Variants in RIT2 observed in about 807,000 individuals in gnomAD.
The protein encoded by RIT2 is Ras like without CAAX 2.
A neutral mutation model predicts 23.7 loss-of-function variants in RIT2; 24 were observed. That is an observed-to-expected ratio of 1.01 (90% CI 0.73 to 1.43). The LOEUF is 1.43. RIT2 is among the 40% of genes most tolerant of loss of function. The probability of loss-of-function intolerance (pLI) is 0.00; values close to 1 mark genes in which losing one functional copy is unlikely to be tolerated. For synonymous variants in RIT2, 107 were observed against 91.1 expected (o/e 1.17, Z -0.99); for missense variants, 236 against 266.9 (o/e 0.88, Z 0.81).
rs1907384478 is a variant in RIT2, at chr18:42,863,462, A to G, written c.426+60110T>C. 3.9e-5 allele frequency among the ~76,000 whole-genome samples: 6 copies of G among 152,164 alleles called. No individual in the cohort carries two copies. The South Asian group carries it at 1.0e-3, about 26-fold the overall frequency. On this transcript the variant is annotated intron_variant, in intron 4 of 4. Transcript: ENST00000326695. ...AACTCTGCCTGATTTTCTTTGTGGT[A>G]TTTTTACCAGTGAAGAAGAAAATTC...
At chr18:42,822,012 T>C (rs1034461489) in intron 4 of RIT2, among the ~76,000 whole-genome samples, 3 of 152,098 alleles carry the variant, frequency 2.0e-5, no homozygotes, top group African/African-American at 7.2e-5. Flanking sequence ...AGACCTGATA[T>C]AGGATCCTAA....
intron 2 of RIT2, among the ~76,000 whole-genome samples, chr18:43,002,666 A>G (rs1314266341): frequency 6.6e-6 from 1 of 151,940 alleles, no homozygotes; most frequent in African/African-American, 2.4e-5. Flanking sequence ...GAAATCTGAT[A>G]CATTTTAATT....
At chr18:42,824,771 G>A (rs1039483481) in intron 4 of RIT2, among the ~76,000 whole-genome samples, 4 of 151,670 alleles carry the variant, frequency 2.6e-5, no homozygotes, top group African/African-American at 9.7e-5. Context: ...GTGTGTGTGT[G>A]TGTGTGTGTT....
At chr18:42,902,858 G>A (rs1908513134) in intron 4 of RIT2, among the ~76,000 whole-genome samples, 3 of 151,576 alleles carry the variant, frequency 2.0e-5, no homozygotes. Context: ...AGTAATTATA[G>A]GCAAATGGAT....
intron 1 of RIT2, among the ~76,000 whole-genome samples, chr18:43,088,688 T>A (rs1310787752): frequency 6.6e-6 from 1 of 152,168 alleles, no homozygotes; most frequent in Non-Finnish European, 1.5e-5. Context: ...GTGCATTTGG[T>A]CTGACATATT....
At chr18:43,039,886 T>A (rs6507510) in intron 1 of RIT2, among the ~76,000 whole-genome samples, 5 of 152,120 alleles carry the variant, frequency 3.3e-5, no homozygotes, top group Non-Finnish European at 5.9e-5. Flanking sequence ...TGAAAATGAG[T>A]AATTAATTTT....
At chr18:42,907,864 C>A (rs997105715) in intron 4 of RIT2, among the ~76,000 whole-genome samples, 11 of 151,846 alleles carry the variant, frequency 7.2e-5, no homozygotes, top group African/African-American at 2.7e-4. Context: ...GCCTGTAGTC[C>A]CAGCTACTTG....
At chr18:42,998,527 G>T (rs755845093) in intron 2 of RIT2, among the ~76,000 whole-genome samples, 5 of 152,008 alleles carry the variant, frequency 3.3e-5, no homozygotes, top group African/African-American at 4.8e-5. Context: ...AGCTGAATCT[G>T]ATTTTCTGGA....
intron 4 of RIT2, among the ~76,000 whole-genome samples, chr18:42,903,073 T>A (rs1248442396): frequency 6.6e-6 from 1 of 151,924 alleles, no homozygotes; most frequent in Non-Finnish European, 1.5e-5. Flanking sequence ...TTCTGGATAT[T>A]CAAACGTAAT....
At chr18:43,077,467 A>G (rs918735437) in intron 1 of RIT2, among the ~76,000 whole-genome samples, 5 of 151,990 alleles carry the variant, frequency 3.3e-5, no homozygotes, top group African/African-American at 1.2e-4. Flanking sequence ...CTTCTATTCC[A>G]AGGAAAAACA....
chr18:43,002,004 G>C (rs989974474), intron 2 of RIT2, among the ~76,000 whole-genome samples: 54 of 151,900 alleles, frequency 3.6e-4, no homozygotes, highest in Non-Finnish European at 1.0e-4. Context: ...GTTTCTTAAG[G>C]AGTATTGGCT....
intron 1 of RIT2, among the ~76,000 whole-genome samples, chr18:43,101,570 G>A (rs1913685314): frequency 6.6e-6 from 1 of 152,174 alleles, no homozygotes; most frequent in South Asian, 2.1e-4. Context: ...AATCAGCAAA[G>A]TCACTTGATT....
intron 3 of RIT2, among the ~76,000 whole-genome samples, chr18:42,925,788 T>C (rs1445051300): frequency 2.6e-5 from 4 of 151,680 alleles, no homozygotes; most frequent in Admixed American, 6.6e-5. Flanking sequence ...TATTCCTTCT[T>C]CCTTTATACA....
intron 4 of RIT2, among the ~76,000 whole-genome samples, chr18:42,772,252 T>C (rs1913568774): frequency 6.6e-6 from 1 of 152,096 alleles, no homozygotes. Context: ...TTGAAAGCCA[T>C]TGTCTTTGGA....
At chr18:43,041,294 T>C (rs1391138535) in intron 1 of RIT2, among the ~76,000 whole-genome samples, 2 of 152,140 alleles carry the variant, frequency 1.3e-5, no homozygotes, top group East Asian at 3.8e-4. Flanking sequence ...TAATTAGGGA[T>C]GAAAATAAAG....
chr18:42,870,266 C>T (rs1907586981), intron 4 of RIT2, among the ~76,000 whole-genome samples: 1 of 152,006 alleles, frequency 6.6e-6, no homozygotes, highest in South Asian at 2.1e-4. Flanking sequence ...GCTGTTGTAC[C>T]TTTTTATTTT....
rs756364776 is a variant in RIT2, at chr18:43,115,480, C to A, written c.40G>T (p.Ala14Ser). 6.2e-7 allele frequency: 1 copy of A among 1,613,490 alleles called. No homozygotes were observed. Among genetic ancestry groups the A allele is most frequent in the Non-Finnish European group, 8.5e-7 (1 of 1,179,742 alleles). ...ENEASCSPGS[A>S]SGGSREYKVV... ...TTGTACTCTCTGGACCCGCCTGATG[C>A]GCTGCCCGGGGAGCAGCTGGCTTCA... The change falls in exon 1 of 5, where the codon GCA (alanine) becomes TCA (serine). Residue 14 changes from alanine (A) to serine (S), a missense_variant. Transcript: ENST00000326695.
chr18:43,046,155 A>C (rs1912242235), intron 1 of RIT2, among the ~76,000 whole-genome samples: 1 of 152,172 alleles, frequency 6.6e-6, no homozygotes. Context: ...AATCATGCAA[A>C]AATCTTGTAT....
intron 2 of RIT2, among the ~76,000 whole-genome samples, chr18:43,032,150 G>T (rs528828423): frequency 3.9e-4 from 60 of 152,122 alleles, no homozygotes; most frequent in Non-Finnish European, 4.0e-4. Flanking sequence ...GCCAGATAAA[G>T]GTATGATTGT....
Sources: gnomAD v4.1 joint callset for allele counts (sites outside exome capture counted in the v4.1 genomes callset) on GRCh38, gnomAD v4.1.1 for gene constraint, MANE v1.5 for transcripts, NCBI Gene and HGNC (gene_info 2026-07-23, HGNC 2026-07-21) for gene names.